Variants in SGCG observed in about 807,000 individuals in gnomAD.
SGCG encodes the protein gamma-sarcoglycan.
Under a neutral mutation model 29.3 loss-of-function variants are expected in SGCG, and 26 were observed. That is an observed-to-expected ratio of 0.89 (90% CI 0.65 to 1.23). SGCG has a LOEUF of 1.23. Among genes scored for constraint, SGCG ranks in the 50% most tolerant of loss-of-function variants. SGCG has a pLI of 0.00. For synonymous variants in SGCG, 145 were observed against 129.7 expected, an observed-to-expected ratio of 1.12 and a Z score of -0.80; for missense variants, 353 against 356.0, an observed-to-expected ratio of 0.99 and a Z score of 0.07.
the SGCG span, among the ~76,000 whole-genome samples, chr13:23,168,663 C>T: frequency 6.6e-6 from 1 of 152,190 alleles, no homozygotes; most frequent in East Asian, 1.9e-4. Context: ...ACTTTTCTGT[C>T]TTCAACAAGA....
the SGCG span, among the ~76,000 whole-genome samples, chr13:23,166,532 C>T: frequency 6.6e-6 from 1 of 152,132 alleles, no homozygotes. Context: ...ATTTGTCTGT[C>T]TGTCTCTCAA....
chr13:23,278,026 G>A (rs914927486), intron 4 of SGCG, among the ~76,000 whole-genome samples: 3 of 152,068 alleles, frequency 2.0e-5, no homozygotes, highest in African/African-American at 7.2e-5. Context: ...TAGAGATGGG[G>A]TTTCTCCATG....
intron 4 of SGCG, among the ~76,000 whole-genome samples, chr13:23,270,931 C>T (rs530893396): frequency 1.2e-4 from 19 of 152,178 alleles, no homozygotes; most frequent in Non-Finnish European, 2.1e-4. Flanking sequence ...ACTTAAAAGT[C>T]CATCCTTAGG....
intron 2 of SGCG, among the ~76,000 whole-genome samples, chr13:23,205,719 A>C (rs1431657620): frequency 6.6e-6 from 1 of 151,700 alleles, no homozygotes; most frequent in Non-Finnish European, 1.5e-5. Flanking sequence ...CACAGAGATC[A>C]GCACAGCCTT....
intron 4 of SGCG, among the ~76,000 whole-genome samples, chr13:23,273,319 G>A (rs1025240589): frequency 1.3e-5 from 2 of 151,910 alleles, no homozygotes; most frequent in African/African-American, 2.4e-5. Flanking sequence ...CAGATAGCTG[G>A]GATTACAGGC....
upstream of SGCG, among the ~76,000 whole-genome samples, chr13:23,180,333 TTTG>T (rs1876687309): frequency 9.9e-6 from 1 of 100,950 alleles, no homozygotes; most frequent in African/African-American, 4.2e-5. Flanking sequence ...ATTCACATAA[TTTG>T]TTAAACACAA....
chr13:23,175,847 G>A, the SGCG span, among the ~76,000 whole-genome samples: 3 of 152,018 alleles, frequency 2.0e-5, no homozygotes, highest in Admixed American at 6.6e-5. Context: ...GTTAAAATGT[G>A]TTCACTGTGT....
chr13:23,192,462 C>T (rs1161916400), intron 1 of SGCG, among the ~76,000 whole-genome samples: 9 of 152,136 alleles, frequency 5.9e-5, no homozygotes, highest in African/African-American at 1.9e-4. Context: ...GGTGCGATCT[C>T]GGCTCACTGC....
rs140088261 is a variant in SGCG, at chr13:23,231,843, G to A, written c.196-2768G>A. On this transcript the variant is annotated intron_variant, in intron 2 of 7. Transcript: ENST00000218867. ...CGTATAAAAGAGCTCAGAAGGCCAG[G>A]CACGGTGGCTCACACCTGTAATCCC... 2.2e-3 allele frequency among the ~76,000 whole-genome samples: 334 copies of A among 152,262 alleles called. 2 individuals carry two copies. Among genetic ancestry groups the A allele is most frequent in the African/African-American group, 7.8e-3 (324 of 41,562 alleles).
At chr13:23,203,450 T>C (rs554437178) in intron 1 of SGCG, among the ~76,000 whole-genome samples, 1 of 152,328 alleles carries the variant, frequency 6.6e-6, no homozygotes, top group African/African-American at 2.4e-5. Context: ...GTCACTAGAT[T>C]TCAAACGTTT....
intron 6 of SGCG, among the ~76,000 whole-genome samples, chr13:23,297,076 T>A (rs7336698): frequency 0.087 from 13,169 of 152,218 alleles, 653 homozygotes; most frequent in South Asian, 0.13. Context: ...ACAAGCCGGC[T>A]GACCATGGCC....
chr13:23,320,614 T>TTTG, intron 6 of SGCG, 23 bp from the exon 7 acceptor site: 6 of 1,363,024 alleles, frequency 4.4e-6, no homozygotes, highest in East Asian at 2.9e-5. Flanking sequence ...TTTTTTTTTT[T>TTTG]GTGCTTCTTT....
At chr13:23,233,356 TAGAATAATCAAATTCATAGAGAC>T (rs1214160202) in intron 2 of SGCG, among the ~76,000 whole-genome samples, 3 of 152,206 alleles carry the variant, frequency 2.0e-5, no homozygotes, top group Non-Finnish European at 4.4e-5. Flanking sequence ...ATAAGGTACT[TAGAATAATCAAATTCATAGAGAC>T]AGAAACGCTA....
At chr13:23,319,459 T>A (rs1211440129) in intron 6 of SGCG, among the ~76,000 whole-genome samples, 2 of 152,252 alleles carry the variant, frequency 1.3e-5, no homozygotes, top group East Asian at 3.9e-4. Context: ...GTGGGGCAGG[T>A]CAAACTTCAC....
chr13:23,192,157 A>G (rs1877291360), intron 1 of SGCG, among the ~76,000 whole-genome samples: 1 of 143,998 alleles, frequency 6.9e-6, no homozygotes, highest in Admixed American at 7.0e-5. Flanking sequence ...CCTGGGCGAC[A>G]GAGTGAGACT....
intron 2 of SGCG, among the ~76,000 whole-genome samples, chr13:23,228,054 G>T (rs867131516): frequency 6.6e-6 from 1 of 151,848 alleles, no homozygotes; most frequent in Admixed American, 6.6e-5. Context: ...GAAGCTGTCC[G>T]CCCACCTAGA....
At chr13:23,241,589 A>G (rs989451506) in intron 3 of SGCG, among the ~76,000 whole-genome samples, 9 of 152,216 alleles carry the variant, frequency 5.9e-5, no homozygotes, top group African/African-American at 2.2e-4. Flanking sequence ...CAAAAACTTG[A>G]AGCAGAGGAG....
the SGCG span, among the ~76,000 whole-genome samples, chr13:23,169,001 A>G: frequency 3.3e-5 from 5 of 151,978 alleles, no homozygotes; most frequent in African/African-American, 1.2e-4. Context: ...GAGATACAGT[A>G]TATCAGAAAG....
intron 6 of SGCG, among the ~76,000 whole-genome samples, chr13:23,317,574 T>A (rs1882867773): frequency 6.6e-6 from 1 of 152,238 alleles, no homozygotes. Flanking sequence ...ATGTATACAC[T>A]TGTACTAAGA....
Sources: allele counts gnomAD v4.1 joint callset (sites outside exome capture counted in the v4.1 genomes callset), GRCh38; gene constraint gnomAD v4.1.1; transcripts MANE v1.5; gene names NCBI Gene and HGNC (gene_info 2026-07-23, HGNC 2026-07-21).